The following GRIP1 variants were observed in gnomAD, a reference collection of about 807,000 sequenced individuals.
GRIP1 encodes the protein glutamate receptor-interacting protein 1.
GRIP1 carries 45 observed loss-of-function variants against 129.9 expected under a neutral mutation model. The ratio of observed to expected loss-of-function variants is 0.35; its 90% CI spans 0.27 to 0.44. The LOEUF is 0.44. Among genes scored for constraint, GRIP1 ranks in the 20% least tolerant of loss-of-function variants. The pLI, the probability that GRIP1 is intolerant of heterozygous loss-of-function variation, is 1.00. For missense variants in GRIP1, 1,196 were observed against 1,396.8 expected (o/e 0.86, Z 2.29); for synonymous variants, 530 against 520.8 (o/e 1.02, Z -0.24).
chr12:66,806,326 G>A (rs1442202368), upstream of GRIP1, among the ~76,000 whole-genome samples: 2 of 152,056 alleles, frequency 1.3e-5, no homozygotes, highest in African/African-American at 4.8e-5. Flanking sequence ...ATGCATTCAA[G>A]TTCATTCTTT....
intron 1 of GRIP1, among the ~76,000 whole-genome samples, chr12:66,783,980 ACT>A (rs2038238190): frequency 6.6e-6 from 1 of 152,168 alleles, no homozygotes; most frequent in Admixed American, 6.5e-5. Context: ...ATATTGTAAG[ACT>A]ATCAAGGTTA....
chr12:66,409,978 C>T (rs967710949), intron 15 of GRIP1, among the ~76,000 whole-genome samples: 6 of 152,020 alleles, frequency 3.9e-5, no homozygotes, highest in East Asian at 1.9e-4. Flanking sequence ...TGGCCGGGCG[C>T]GGTGGCTCAC....
At chr12:66,368,792 C>T (rs1208914280) in intron 23 of GRIP1, among the ~76,000 whole-genome samples, 1 of 152,158 alleles carries the variant, frequency 6.6e-6, no homozygotes, top group Non-Finnish European at 1.5e-5. Flanking sequence ...TCAAAAGACA[C>T]CCACATTCAA....
At chr12:66,943,339 G>C (rs1420819979) in intron 1 of GRIP1, among the ~76,000 whole-genome samples, 1 of 152,194 alleles carries the variant, frequency 6.6e-6, no homozygotes. Flanking sequence ...ATGCCCACTT[G>C]GGATGAGGAG....
At chr12:66,623,598 C>A (rs1401745809) in intron 1 of GRIP1, among the ~76,000 whole-genome samples, 1 of 152,150 alleles carries the variant, frequency 6.6e-6, no homozygotes, top group Non-Finnish European at 1.5e-5. Context: ...AGTTTTCCTC[C>A]TGGAAGCCCC....
At chr12:66,365,444 C>T (rs1053459643) in intron 23 of GRIP1, among the ~76,000 whole-genome samples, 1 of 152,090 alleles carries the variant, frequency 6.6e-6, no homozygotes, top group Non-Finnish European at 1.5e-5. Context: ...CCCTCACCTC[C>T]CTCCCAAAAA....
At chr12:66,447,989 T>C (rs2058678585) in intron 11 of GRIP1, among the ~76,000 whole-genome samples, 1 of 152,250 alleles carries the variant, frequency 6.6e-6, no homozygotes, top group African/African-American at 2.4e-5. Context: ...CCAGTTGCTT[T>C]GCCTCCCTCT....
At chr12:66,842,945 G>C (rs1030225929) in intron 1 of GRIP1, among the ~76,000 whole-genome samples, 1 of 152,120 alleles carries the variant, frequency 6.6e-6, no homozygotes, top group Non-Finnish European at 1.5e-5. Context: ...TGATATAATA[G>C]AATGAAGGTT....
At chr12:66,706,960 G>A (rs1351919192) in intron 1 of GRIP1, among the ~76,000 whole-genome samples, 1 of 147,412 alleles carries the variant, frequency 6.8e-6, no homozygotes, top group African/African-American at 2.5e-5. Context: ...AAACCTGCAC[G>A]TTCTGCCCAT....
At chr12:66,744,255 C>T (rs1028399036) in intron 1 of GRIP1, among the ~76,000 whole-genome samples, 28 of 152,104 alleles carry the variant, frequency 1.8e-4, no homozygotes, top group African/African-American at 6.3e-4. Flanking sequence ...CACACCAGTA[C>T]ATTTATCTTC....
chr12:66,415,511 G>A (rs1270841008), intron 15 of GRIP1, among the ~76,000 whole-genome samples: 1 of 152,128 alleles, frequency 6.6e-6, no homozygotes, highest in African/African-American at 2.4e-5. Flanking sequence ...AGACAGTGTG[G>A]CGATTCCTCA....
At chr12:66,987,232 G>T (rs1216489867) in intron 1 of GRIP1, among the ~76,000 whole-genome samples, 1 of 152,160 alleles carries the variant, frequency 6.6e-6, no homozygotes, top group Non-Finnish European at 1.5e-5. Context: ...GAAGACAAGG[G>T]TTATTGTTGG....
At chr12:66,442,022 T>C (rs1024742366) in intron 13 of GRIP1, among the ~76,000 whole-genome samples, 2 of 152,184 alleles carry the variant, frequency 1.3e-5, no homozygotes, top group African/African-American at 4.8e-5. Flanking sequence ...CTATCATGCC[T>C]TACGTGTCCA....
intron 1 of GRIP1, among the ~76,000 whole-genome samples, chr12:66,656,975 A>T (rs1246408098): frequency 1.3e-5 from 2 of 152,176 alleles, no homozygotes; most frequent in African/African-American, 4.8e-5. Context: ...AGATTGACCT[A>T]GTAGAACCAG....
intron 1 of GRIP1, among the ~76,000 whole-genome samples, chr12:66,827,418 G>A (rs747479673): frequency 6.6e-5 from 10 of 151,416 alleles, no homozygotes; most frequent in East Asian, 1.9e-4. Flanking sequence ...GAGAGAGAGC[G>A]CACAAGACAG....
chr12:66,387,635 A>C (rs1013755032), intron 19 of GRIP1, among the ~76,000 whole-genome samples: 8 of 152,248 alleles, frequency 5.3e-5, no homozygotes, highest in African/African-American at 1.9e-4. Flanking sequence ...AAACATGACC[A>C]ATCAGAAATA....
intron 1 of GRIP1, among the ~76,000 whole-genome samples, chr12:66,998,431 T>A (rs1321232831): frequency 2.0e-5 from 3 of 149,904 alleles, no homozygotes; most frequent in South Asian, 2.1e-4. Flanking sequence ...TAAAAAAAAA[T>A]ATATATTTGT....
intron 1 of GRIP1, among the ~76,000 whole-genome samples, chr12:66,809,458 C>T (rs1292019432): frequency 6.6e-6 from 1 of 152,056 alleles, no homozygotes. Context: ...ATCGCTGCAG[C>T]CTTCATGTAG....
chr12:67,042,871 T>C (rs1288029288), intron 1 of GRIP1, among the ~76,000 whole-genome samples: 1 of 152,134 alleles, frequency 6.6e-6, no homozygotes, highest in Non-Finnish European at 1.5e-5. Flanking sequence ...TAAGTATGAG[T>C]GTCCAGAGGA....
Sources: allele counts gnomAD v4.1 joint callset (sites outside exome capture counted in the v4.1 genomes callset), GRCh38; gene constraint gnomAD v4.1.1; transcripts MANE v1.5; gene names NCBI Gene and HGNC (gene_info 2026-07-23, HGNC 2026-07-21).